MEIS3: variants seen among roughly 807,000 people sequenced by gnomAD.
MEIS3 encodes Meis homeobox 3.
In MEIS3, 38 loss-of-function variants were observed where a neutral mutation model predicts 51.4. That is an observed-to-expected ratio of 0.74 (90% confidence interval 0.57 to 0.97). The LOEUF (loss-of-function observed/expected upper bound fraction) is 0.97. Ranked by LOEUF, MEIS3 falls within the 50% of genes least tolerant of loss-of-function variation. The pLI is 0.00. For synonymous variants in MEIS3, 198 were observed against 201.8 expected (o/e 0.98, Z 0.16); for missense variants, 456 against 502.6 (o/e 0.91, Z 0.89).
intron 4 of MEIS3, 22 bp from the exon 5 acceptor site, chr19:47,415,123 GGGGGGAGACAGAGGGAATT>G: frequency 6.7e-7 from 1 of 1,498,950 alleles, no homozygotes; most frequent in Non-Finnish European, 9.1e-7. Context: ...GGCGGGAGGT[GGGGGGAGACAGAGGGAATT>G]GGGGGAGGGA....
chr19:47,417,929 A>C, intron 1 of MEIS3: 1 of 562,906 alleles, frequency 1.8e-6, no homozygotes, highest in East Asian at 2.9e-5. Context: ...CCCCCCACAC[A>C]CACATGCACA....
chr19:47,413,163 G>A (rs1296657390), intron 6 of MEIS3, among the ~76,000 whole-genome samples: 1 of 151,724 alleles, frequency 6.6e-6, no homozygotes, highest in African/African-American at 2.4e-5. Flanking sequence ...TTGGGAGGCC[G>A]AGGCGGGAGG....
rs746551209 is a variant in MEIS3 at position 47,406,460 on chromosome 19, C to T, written c.*17G>A. The T allele has an allele frequency of 6.2e-7, 1 of 1,612,954 alleles. No homozygotes were observed. The highest frequency in any genetic ancestry group is 1.7e-5 in the Admixed American group (1 of 59,974). On this transcript the variant is annotated splice_region_variant and 3_prime_UTR_variant, in exon 12 of 13. Transcript: ENST00000558555. ...ATCCCCAGCCCTTAGACCCTCACAC[C>T]TCTCCTGCATCAGCCTCTATAGATA...
Position 47,416,680 on chromosome 19 carries a change from A to C in MEIS3, c.368T>G (p.Phe123Cys). Residue 123 changes from phenylalanine to cysteine, a missense_variant, in exon 4 of 13, where the codon TTC (phenylalanine) becomes TGC (cysteine). Transcript: ENST00000558555. ...ATTGTCCAGTTCTGGGTTGGAGGAG[A>C]AGAGGGGCCTCTCAGAGCGAACCTG... ...AKQVRSERPL[F>C]SSNPELDNLM... 2 of 1,558,870 alleles carry C rather than the reference A, an allele frequency of 1.3e-6. No homozygotes were observed. Among genetic ancestry groups the C allele is most frequent in the Non-Finnish European group, 1.7e-6 (2 of 1,151,528 alleles).
At position 47,409,179 on chromosome 19, in the gene MEIS3, G is replaced by A. The variant is rs1037684054; in HGVS notation, c.778C>T (p.Arg260Ter). 2 of 1,612,708 alleles carry A rather than the reference G, an allele frequency of 1.2e-6. No homozygotes were observed. Among genetic ancestry groups the A allele is most frequent in the Non-Finnish European group, 1.7e-6 (2 of 1,179,986 alleles). The change falls in exon 8 of 13, where the codon CGA becomes TGA. Residue 260 changes from arginine (R) to a stop codon, truncating the protein, a stop_gained. Coordinates refer to ENST00000558555, the MANE Select transcript of MEIS3 (RefSeq NM_001301059.2). LOFTEE classifies it high-confidence loss of function. ...GGEDEDLDQERRRNKKRGIFP... is the reference protein window; with the variant it reads ...GGEDEDLDQE ...ATCCCCCTCTTCTTGTTTCGCCGTC[G>A]CTCCTGGTCCAAGTCCTCATCTTCT...
chr19:47,407,584 G>C, intron 8 of MEIS3, 156 bp from the exon 9 acceptor site: 1 of 1,472,752 alleles, frequency 6.8e-7, no homozygotes, highest in Non-Finnish European at 9.0e-7. Flanking sequence ...CCCCAGGATG[G>C]AGACCAAGGG....
rs764183306 is a variant in MEIS3 at position 47,417,274 on chromosome 19, G to A, written c.89C>T (p.Ala30Val). The A allele has an allele frequency of 1.2e-6, 2 of 1,613,316 alleles. No individual in the cohort carries two copies. The highest frequency in any genetic ancestry group is 1.7e-5 in the Admixed American group (1 of 59,924). Residue 30 changes from alanine to valine, a missense_variant, in exon 2 of 13, where the codon GCA (alanine) becomes GTA (valine). Physicochemically the swap from Ala to Val is moderately conservative, Grantham distance 64 (BLOSUM62 0). Coordinates refer to ENST00000558555, the MANE Select transcript of MEIS3 (RefSeq NM_001301059.2). ...GTGCGGGCCATAGGGCCCTGGTACT[G>A]CGGGCACTGTCTCTGGGAAGCTAGC... ...ALASFPETVP[A>V]VPGPYGPHRP...
chr19:47,409,601 C>G lies in MEIS3; in HGVS notation c.598-54G>C, dbSNP rs565491838. On this transcript the variant is annotated intron_variant, in intron 6 of 12. Transcript: ENST00000558555. ...CAAGGCGGCCGGGCGCAGTGGCTCA[C>G]GCCTGTAATCCCAGCACTTTGGGAG... 17 of 1,294,054 alleles carry G rather than the reference C, an allele frequency of 1.3e-5. No homozygotes were observed. In the African/African-American group the frequency reaches 2.0e-4, roughly 16 times the overall value. 80.2% of individuals were successfully genotyped at this position (1,294,054 alleles called of 1,614,324 possible).
intron 4 of MEIS3, 82 bp downstream of exon 4, chr19:47,416,570 C>T (rs574974692): frequency 5.0e-6 from 6 of 1,198,404 alleles, no homozygotes; most frequent in East Asian, 5.2e-5. Context: ...CTCTCTGCAC[C>T]CCCCCCACCA....
intron 12 of MEIS3, among the ~76,000 whole-genome samples, chr19:47,404,116 A>G (rs1476647671): frequency 1.3e-5 from 2 of 152,086 alleles, no homozygotes; most frequent in Admixed American, 1.3e-4. Context: ...AGGCCAGAGG[A>G]TCGCTTAACC....
At chr19:47,420,930 A>ACACT (rs1971689905), upstream of MEIS3, among the ~76,000 whole-genome samples, 1 of 112,312 alleles carries the variant, frequency 8.9e-6, no homozygotes, top group Non-Finnish European at 1.8e-5. Flanking sequence ...ACACACACAC[A>ACACT]CACACACACA....
At chr19:47,406,435 A>G in intron 12 of MEIS3, 25 bp downstream of exon 12, 2 of 1,600,214 alleles carry the variant, frequency 1.2e-6, no homozygotes, top group South Asian at 1.1e-5. Context: ...GAATTGCACA[A>G]TCCCCAGCCC....
At chr19:47,409,006 C>T in intron 8 of MEIS3, 93 bp downstream of exon 8, 3 of 1,451,966 alleles carry the variant, frequency 2.1e-6, no homozygotes, top group Non-Finnish European at 2.8e-6. Flanking sequence ...CGTCTTTCTC[C>T]CACTTCTGGG....
rs866850977 is a variant in MEIS3, at chr19:47,416,557, C to T, written c.396+95G>A. 1.2e-5 allele frequency: 13 copies of T among 1,044,690 alleles called. No homozygotes were observed. The Middle Eastern group carries it at 1.2e-3, about 100-fold the overall frequency. The allele number at this position is 1,044,690 out of a possible 1,614,324, so 64.7% of individuals were successfully genotyped here. A position where few individuals can be genotyped will look rare whatever the true frequency, so the allele number is the denominator to read the frequency against. ...GGTTTGGGGACATGGACCAGGTGGC[C>T]TTCTCTCTGCACCCCCCCCACCAAC... On this transcript the variant is annotated intron_variant, in intron 4 of 12. Transcript: ENST00000558555.
At chr19:47,417,502 C>G (rs1194609042) in intron 1 of MEIS3, 152 bp from the exon 2 acceptor site, 1 of 945,900 alleles carries the variant, frequency 1.1e-6, no homozygotes, top group Non-Finnish European at 1.7e-6. Context: ...AGCCCCCAAG[C>G]TTGAAGCCCT....
intron 8 of MEIS3, among the ~76,000 whole-genome samples, chr19:47,407,954 G>A (rs938345782): frequency 6.6e-6 from 1 of 152,058 alleles, no homozygotes; most frequent in Admixed American, 6.6e-5. Flanking sequence ...CTACAGGTGC[G>A]CGCCACCATG....
chr19:47,420,963 C>CTCTG (rs1971696417), upstream of MEIS3, among the ~76,000 whole-genome samples: 1 of 145,206 alleles, frequency 6.9e-6, no homozygotes, highest in Non-Finnish European at 1.5e-5. Context: ...CTCTCTCTCT[C>CTCTG]TCTCTCTCTC....
In MEIS3 at chr19:47,406,541, A is replaced by G. The variant is rs199858961; in HGVS notation, c.1079-15T>C. The G allele has an allele frequency of 2.2e-5, 36 of 1,613,872 alleles. No individual in the cohort carries two copies. Among genetic ancestry groups the G allele is most frequent in the Non-Finnish European group, 2.9e-5 (34 of 1,179,920 alleles). On this transcript the variant is annotated splice_polypyrimidine_tract_variant and intron_variant, in intron 11 of 12. Coordinates refer to ENST00000558555, the MANE Select transcript of MEIS3 (RefSeq NM_001301059.2). ...CCCCACTGATCCTGGAAGACAAAAA[A>G]AAAGGAGGGTAAGTGCGTCTTTCAG... is the stretch of plus-strand genomic sequence containing the variant.
At position 47,415,102 on chromosome 19, in the gene MEIS3, C is replaced by T. The variant is rs1398364375; in HGVS notation, c.397-1G>A. ...GCAGCACCTGGATGGCCTGGATCAT[C>T]TGAAAACGTGGGCGGGAGGTGGGGG... On this transcript the variant is annotated splice_acceptor_variant, in intron 4 of 12. Transcript: ENST00000558555. LOFTEE classifies it high-confidence loss of function. 2 of 1,470,292 alleles carry T rather than the reference C, an allele frequency of 1.4e-6. No homozygotes were observed. Among genetic ancestry groups the T allele is most frequent in the Admixed American group, 2.4e-5 (1 of 41,828 alleles). 91.1% of individuals were successfully genotyped at this position (1,470,292 alleles called of 1,614,324 possible).
Sources: allele counts gnomAD v4.1 joint callset (sites outside exome capture counted in the v4.1 genomes callset), GRCh38; gene constraint gnomAD v4.1.1; transcripts MANE v1.5; gene names NCBI Gene and HGNC (gene_info 2026-07-23, HGNC 2026-07-21).